Variants in PTK2 observed in about 807,000 individuals in gnomAD.
PTK2 encodes protein tyrosine kinase 2.
In PTK2, 45 loss-of-function variants were observed where a neutral mutation model predicts 150.1. The ratio of observed to expected loss-of-function variants is 0.30; its 90% confidence interval spans 0.24 to 0.38. The LOEUF is 0.38. Ranked by LOEUF, PTK2 falls within the 10% of genes least tolerant of loss-of-function variation. PTK2 has a pLI of 1.00. For missense variants in PTK2, 919 were observed against 1,307.3 expected, an observed-to-expected ratio of 0.70 and a Z score of 4.58; for synonymous variants, 432 against 449.2, an observed-to-expected ratio of 0.96 and a Z score of 0.48.
At chr8:140,663,776 C>T (rs1486005192) in intron 31 of PTK2, among the ~76,000 whole-genome samples, 3 of 152,018 alleles carry the variant, frequency 2.0e-5, no homozygotes, top group Non-Finnish European at 4.4e-5. Flanking sequence ...TGGGCTCAAG[C>T]GATCATCCTG....
Position 140,724,132 on chromosome 8 carries a change from T to C in PTK2, c.2031-6423A>G, listed in dbSNP as rs572836728. On this transcript the variant is annotated intron_variant, in intron 22 of 31. Transcript: ENST00000522684. ...AAGCTGTCCCAGAAGAAGCAACAGA[T>C]AGATAAACAAGCTGCTTCTCTGGTG... Among the ~76,000 whole-genome samples the C allele has an allele frequency of 1.3e-4, 20 of 152,282 alleles. No individual in the cohort carries two copies. The South Asian group carries it at 2.3e-3, about 17-fold the overall frequency.
intron 5 of PTK2, among the ~76,000 whole-genome samples, chr8:140,850,555 C>G (rs929113617): frequency 6.9e-6 from 1 of 143,922 alleles, no homozygotes; most frequent in African/African-American, 2.6e-5. Context: ...GAAACCCCAT[C>G]TCTACTAAAA....
At chr8:140,763,118 C>T (rs921852200) in intron 15 of PTK2, among the ~76,000 whole-genome samples, 1 of 152,196 alleles carries the variant, frequency 6.6e-6, no homozygotes, top group Non-Finnish European at 1.5e-5. Flanking sequence ...CAAACTGATA[C>T]TGGCAATCAA....
Position 140,770,713 on chromosome 8 carries a change from T to C in PTK2, c.1178-6423A>G, listed in dbSNP as rs2100074992. 1 of 1,320,110 alleles carries C rather than the reference T, an allele frequency of 7.6e-7. No homozygotes were observed. 81.8% of individuals were successfully genotyped at this position (1,320,110 alleles called of 1,614,324 possible). On this transcript the variant is annotated intron_variant, in intron 14 of 31. Transcript: ENST00000522684. ...AGAGCCTGTGCAAATATGAGTGCAG[T>C]ACCCGTAGAAGGAGGATCATGGGAA...
chr8:140,870,152 TA>T (rs923136840), intron 4 of PTK2, among the ~76,000 whole-genome samples: 6 of 152,094 alleles, frequency 3.9e-5, no homozygotes, highest in African/African-American at 1.4e-4. Context: ...TCAACATAGT[TA>T]AAAAAAGTCA....
At chr8:140,890,184 T>C (rs2100153755) in intron 3 of PTK2, 1 of 197,388 alleles carries the variant, frequency 5.1e-6, no homozygotes, top group African/African-American at 2.4e-5. Context: ...ACCTTCCAAA[T>C]TACACTTTCT....
intron 7 of PTK2, among the ~76,000 whole-genome samples, chr8:140,839,024 A>T (rs2100120615): frequency 6.6e-6 from 1 of 152,082 alleles, no homozygotes; most frequent in South Asian, 2.1e-4. Flanking sequence ...AACAAAAAAA[A>T]AACTTATAAG....
intron 1 of PTK2, among the ~76,000 whole-genome samples, chr8:140,982,529 G>A (rs570187449): frequency 2.0e-4 from 31 of 152,154 alleles, no homozygotes; most frequent in Admixed American, 1.6e-3. Flanking sequence ...CCCGGGAGGC[G>A]GAGGTTGCAG....
chr8:140,758,143 G>A (rs887359430), intron 16 of PTK2, among the ~76,000 whole-genome samples: 1 of 152,088 alleles, frequency 6.6e-6, no homozygotes, highest in Non-Finnish European at 1.5e-5. Flanking sequence ...CCAGGCTGGA[G>A]TGCAGTGGTG....
At chr8:140,659,034 G>T (rs901615513) in exon 32 of PTK2, 6 of 230,854 alleles carry the variant, frequency 2.6e-5, no homozygotes, top group African/African-American at 1.1e-4. Flanking sequence ...GTAGACAAAA[G>T]AATTCTCAGC....
chr8:140,919,243 CT>C (rs2100166481), intron 2 of PTK2, among the ~76,000 whole-genome samples: 1 of 152,214 alleles, frequency 6.6e-6, no homozygotes, highest in African/African-American at 2.4e-5. Context: ...CGTGTGAGCT[CT>C]GTTCCCTCTC....
intron 23 of PTK2, among the ~76,000 whole-genome samples, chr8:140,707,276 G>A (rs887078480): frequency 3.3e-5 from 5 of 152,146 alleles, no homozygotes; most frequent in African/African-American, 1.2e-4. Flanking sequence ...TATGGCTCAC[G>A]CCTATAATCC....
Position 140,979,099 on chromosome 8 carries a change from G to T in PTK2, c.-122+22026C>A, listed in dbSNP as rs573230080. Among the ~76,000 whole-genome samples the T allele has an allele frequency of 8.1e-5, 11 of 135,648 alleles. No homozygotes were observed. In the Admixed American group the frequency reaches 8.3e-4, roughly 10 times the overall value. The allele number at this position is 135,648 out of a possible 152,430, so 89.0% of individuals were successfully genotyped here. A position where few individuals can be genotyped will look rare whatever the true frequency, so the allele number is the denominator to read the frequency against. ...CACAGGAAGGGGAACATCACACACC[G>T]GGGCCTGTTGTGGGGTGGGGGGAGG... is the stretch of plus-strand genomic sequence containing the variant. On this transcript the variant is annotated intron_variant, in intron 1 of 31. Coordinates refer to ENST00000522684, the Ensembl canonical transcript of PTK2.
At chr8:140,924,283 C>A (rs1212332337) in intron 2 of PTK2, among the ~76,000 whole-genome samples, 1 of 152,190 alleles carries the variant, frequency 6.6e-6, no homozygotes, top group Non-Finnish European at 1.5e-5. Context: ...CCTATCCAGA[C>A]CACCCTGTCT....
At chr8:140,771,008 AG>A (rs2100075177) in intron 14 of PTK2, 1 of 202,950 alleles carries the variant, frequency 4.9e-6, no homozygotes, top group South Asian at 8.1e-5. Context: ...AATTTCCTGT[AG>A]ATTAGCACTT....
intron 27 of PTK2, among the ~76,000 whole-genome samples, chr8:140,681,354 A>G (rs2153581009): frequency 6.8e-6 from 1 of 147,926 alleles, no homozygotes; most frequent in African/African-American, 2.5e-5. Context: ...CTCCGTCTCA[A>G]AAAAAAAAAA....
At chr8:140,703,955 C>T (rs889243701) in intron 24 of PTK2, among the ~76,000 whole-genome samples, 3 of 152,132 alleles carry the variant, frequency 2.0e-5, no homozygotes, top group Non-Finnish European at 4.4e-5. Context: ...AGGTTTTGTG[C>T]ATTTATTAGG....
chr8:140,766,787 G>A (rs1354101920), intron 14 of PTK2, among the ~76,000 whole-genome samples: 4 of 152,212 alleles, frequency 2.6e-5, no homozygotes, highest in Non-Finnish European at 5.9e-5. Context: ...AAATACACAA[G>A]CCCATTTGGG....
At chr8:140,994,016 T>C (rs1334552357) in intron 1 of PTK2, among the ~76,000 whole-genome samples, 1 of 152,168 alleles carries the variant, frequency 6.6e-6, no homozygotes, top group Non-Finnish European at 1.5e-5. Flanking sequence ...AGGTGTGAGT[T>C]ACCGCACCCC....
Sources: allele counts gnomAD v4.1 joint callset (sites outside exome capture counted in the v4.1 genomes callset), GRCh38; gene constraint gnomAD v4.1.1; transcripts MANE v1.5; gene names NCBI Gene and HGNC (gene_info 2026-07-23, HGNC 2026-07-21).